The following SUSD4 variants were observed in gnomAD, a reference collection of about 807,000 sequenced individuals.
SUSD4 encodes the protein sushi domain containing 4.
SUSD4 carries 41 observed loss-of-function variants against 50.5 expected under a neutral mutation model. That is an observed-to-expected ratio of 0.81 (90% CI 0.63 to 1.05). The LOEUF is 1.05. SUSD4 is among the 50% of genes least tolerant of loss of function. The pLI is 0.00. For synonymous variants in SUSD4, 257 were observed against 257.3 expected, an observed-to-expected ratio of 1.00 and a Z score of 0.01; for missense variants, 580 against 634.7, an observed-to-expected ratio of 0.91 and a Z score of 0.93.
intron 2 of SUSD4, among the ~76,000 whole-genome samples, chr1:223,334,182 G>A (rs1020623450): frequency 3.3e-5 from 5 of 152,048 alleles, no homozygotes; most frequent in African/African-American, 9.7e-5. Flanking sequence ...ATGCATCTAC[G>A]AAACAAGAAC....
intron 4 of SUSD4, among the ~76,000 whole-genome samples, 156 bp from the exon 5 acceptor site, chr1:223,264,974 C>T (rs1662388504): frequency 6.6e-6 from 1 of 152,234 alleles, no homozygotes; most frequent in Admixed American, 6.5e-5. Flanking sequence ...CTCAAATACT[C>T]AGGTTCCTTA....
intron 2 of SUSD4, among the ~76,000 whole-genome samples, chr1:223,331,381 T>C (rs1272434335): frequency 6.6e-6 from 1 of 152,164 alleles, no homozygotes; most frequent in Non-Finnish European, 1.5e-5. Flanking sequence ...TTTCCTTTTT[T>C]CTTTATTCTT....
At chr1:223,338,885 C>G (rs1667599565) in intron 2 of SUSD4, among the ~76,000 whole-genome samples, 1 of 152,192 alleles carries the variant, frequency 6.6e-6, no homozygotes, top group Admixed American at 6.5e-5. Flanking sequence ...GCACTTGCAT[C>G]TATGTCCTCA....
intron 5 of SUSD4, among the ~76,000 whole-genome samples, chr1:223,247,936 A>T (rs1211362042): frequency 2.0e-5 from 3 of 152,156 alleles, no homozygotes; most frequent in African/African-American, 7.2e-5. Flanking sequence ...TTGTCATGGT[A>T]TCTGGTCTGG....
intron 8 of SUSD4, among the ~76,000 whole-genome samples, chr1:223,222,969 G>T (rs1659226045): frequency 6.6e-6 from 1 of 152,212 alleles, no homozygotes; most frequent in Admixed American, 6.5e-5. Context: ...GGCCACTGCT[G>T]CCTTTCTACT....
Position 223,231,127 on chromosome 1 carries a change from C to G in SUSD4, c.725-1739G>C, listed in dbSNP as rs770103983. ...GGTGGAACCATGGAGGTCTATCCCG[C>G]GGGAACTGGAGCCCGGGGAAACTCA... On this transcript the variant is annotated intron_variant, in intron 5 of 8. Coordinates refer to ENST00000366878, the MANE Select transcript of SUSD4 (RefSeq NM_017982.4). This position sits in a 1 kb window ranked among gnomAD's most constrained non-coding sequence, Gnocchi z 4.2. Among the ~76,000 whole-genome samples the G allele has an allele frequency of 6.6e-6, 1 of 152,026 alleles. No individual in the cohort carries two copies. The highest frequency in any genetic ancestry group is 2.4e-5 in the African/African-American group (1 of 41,378).
Position 223,270,321 on chromosome 1 carries a change from C to T in SUSD4, c.362-1646G>A, listed in dbSNP as rs540690338. Among the ~76,000 whole-genome samples the T allele has an allele frequency of 3.3e-4, 50 of 152,246 alleles. 1 individual carries two copies. The highest frequency in any genetic ancestry group is 1.7e-3 in the South Asian group (8 of 4,824). ...ACCCTCCCACCATGCTTCTGACCTGCGCACACACCTGGCGAAAGAGTGCCG... is the reference window on the plus strand; with the variant it reads ...ACCCTCCCACCATGCTTCTGACCTGTGCACACACCTGGCGAAAGAGTGCCG... On this transcript the variant is annotated intron_variant, in intron 3 of 8. Transcript: ENST00000366878.
At chr1:223,331,346 G>A (rs17480344) in intron 2 of SUSD4, among the ~76,000 whole-genome samples, 27,704 of 152,078 alleles carry the variant, frequency 0.18, 3,060 homozygotes, top group Non-Finnish European at 0.26. Context: ...ATTGCCCTGG[G>A]CCACTGAGGT....
At chr1:223,305,630 CT>C (rs1665490496) in intron 2 of SUSD4, among the ~76,000 whole-genome samples, 1 of 152,200 alleles carries the variant, frequency 6.6e-6, no homozygotes. Context: ...AGATTTTTCA[CT>C]GCAAAAGCAG....
intron 5 of SUSD4, among the ~76,000 whole-genome samples, chr1:223,263,097 G>C (rs1662235004): frequency 6.6e-6 from 1 of 152,156 alleles, no homozygotes; most frequent in Admixed American, 6.5e-5. Flanking sequence ...GAAAAGATTT[G>C]AAAACAGGCA....
Position 223,229,888 on chromosome 1 carries a change from C to T in SUSD4, c.725-500G>A, listed in dbSNP as rs113868898. ...AGCTCTGCTGAGGCTTAGCCAATGA[C>T]GAACATGGAGCAGTTCTTCTAGCTC... is the stretch of plus-strand genomic sequence containing the variant. On this transcript the variant is annotated intron_variant, in intron 5 of 8. Coordinates refer to ENST00000366878, the MANE Select transcript of SUSD4 (RefSeq NM_017982.4). The surrounding 1 kb of genome is among the most constrained non-coding windows in gnomAD (Gnocchi z 4.7). Among the ~76,000 whole-genome samples the T allele has an allele frequency of 7.7e-3, 1,177 of 152,318 alleles. 17 individuals are homozygous for T. The highest frequency in any genetic ancestry group is 0.026 in the African/African-American group (1,080 of 41,562).
At chr1:223,246,236 G>A (rs989139559) in intron 5 of SUSD4, among the ~76,000 whole-genome samples, 4 of 152,114 alleles carry the variant, frequency 2.6e-5, no homozygotes, top group African/African-American at 9.7e-5. Flanking sequence ...CCAAGGAAGA[G>A]GGAGCAGCTC....
Position 223,363,235 on chromosome 1 carries a change from C to T in SUSD4, c.148+43G>A, listed in dbSNP as rs551595145. The T allele has an allele frequency of 4.7e-6, 7 of 1,503,904 alleles. No homozygotes were observed. In the South Asian group the frequency reaches 9.6e-5, roughly 21 times the overall value. The allele number at this position is 1,503,904 out of a possible 1,614,324, so 93.2% of individuals were successfully genotyped here. ...CTGGCAGCTAGGCTCTTTCTCCCCT[C>T]TGGGCCATCCCCAGGCCCTCCCACC... On this transcript the variant is annotated intron_variant, in intron 2 of 8. Coordinates refer to ENST00000366878, the MANE Select transcript of SUSD4 (RefSeq NM_017982.4).
intron 2 of SUSD4, among the ~76,000 whole-genome samples, chr1:223,356,411 T>C (rs1285230471): frequency 6.6e-6 from 1 of 152,030 alleles, no homozygotes. Flanking sequence ...CAGATTTCTT[T>C]TTCTTTTTTT....
intron 2 of SUSD4, among the ~76,000 whole-genome samples, chr1:223,350,184 T>C (rs1668277490): frequency 6.6e-6 from 1 of 152,184 alleles, no homozygotes; most frequent in Non-Finnish European, 1.5e-5. Flanking sequence ...TCATCCAACA[T>C]GGTATTTTGT....
intron 2 of SUSD4, among the ~76,000 whole-genome samples, chr1:223,350,679 A>G (rs948545747): frequency 6.6e-6 from 1 of 152,202 alleles, no homozygotes; most frequent in Admixed American, 6.5e-5. Context: ...TTGGCTGTGG[A>G]GTCCTTCAGC....
intron 2 of SUSD4, among the ~76,000 whole-genome samples, chr1:223,348,923 G>T (rs1029900656): frequency 2.0e-5 from 3 of 152,080 alleles, no homozygotes; most frequent in Non-Finnish European, 4.4e-5. Flanking sequence ...GGGGCTGGGG[G>T]ACGGTTCAGA....
intron 3 of SUSD4, among the ~76,000 whole-genome samples, chr1:223,280,348 C>A (rs925572153): frequency 6.6e-6 from 1 of 152,070 alleles, no homozygotes; most frequent in Non-Finnish European, 1.5e-5. Context: ...ACCCATCTCA[C>A]GTGCAGATAC....
chr1:223,299,550 C>T (rs1046515563), intron 2 of SUSD4, among the ~76,000 whole-genome samples: 3 of 152,094 alleles, frequency 2.0e-5, no homozygotes, highest in African/African-American at 4.8e-5. Context: ...TAAGAGATAG[C>T]CTTTGTGATG....
Sources: allele counts gnomAD v4.1 joint callset (sites outside exome capture counted in the v4.1 genomes callset), GRCh38; gene constraint gnomAD v4.1.1; non-coding constraint Gnocchi (gnomAD v3.1); transcripts MANE v1.5; gene names NCBI Gene and HGNC (gene_info 2026-07-23, HGNC 2026-07-21).